The following OTOF variants were observed in gnomAD, a reference collection of about 807,000 sequenced individuals.
The protein encoded by OTOF is otoferlin.
A neutral mutation model predicts 236.8 loss-of-function variants in OTOF; 218 were observed. The ratio of observed to expected loss-of-function variants is 0.92; its 90% CI spans 0.82 to 1.03. OTOF has a LOEUF of 1.03. OTOF is among the 50% of genes least tolerant of loss of function. The pLI, the probability that OTOF is intolerant of heterozygous loss-of-function variation, is 0.00. For synonymous variants in OTOF, 1,041 were observed against 1,072.5 expected (o/e 0.97, Z 0.57); for missense variants, 2,590 against 2,694.4 (o/e 0.96, Z 0.86).
At chr2:26,517,593 C>G (rs918671295) in intron 4 of OTOF, among the ~76,000 whole-genome samples, 2 of 152,180 alleles carry the variant, frequency 1.3e-5, no homozygotes, top group African/African-American at 4.8e-5. Context: ...AGCCCCATGT[C>G]CTTTCTGGAA....
chr2:26,539,945 T>C (rs977972977), intron 1 of OTOF, among the ~76,000 whole-genome samples: 4 of 152,154 alleles, frequency 2.6e-5, no homozygotes, highest in African/African-American at 9.7e-5. Flanking sequence ...CCCTTTTTGT[T>C]TGTCTTGAGA....
At chr2:26,476,817 C>T in intron 22 of OTOF, 74 bp downstream of exon 22, 1 of 1,417,442 alleles carries the variant, frequency 7.1e-7, no homozygotes, top group Non-Finnish European at 9.8e-7. Context: ...GTCACTCAGG[C>T]TTCCAGCCCC....
rs369063492 is a variant in OTOF at position 26,491,180 on chromosome 2, G to A, written c.898-1440C>T. ...GCCCCCAAGAGGAGCAGCAGGCAGC[G>A]GGATGAAAGAAACTGGGTGATCAAG... On this transcript the variant is annotated intron_variant, in intron 9 of 46. Transcript: ENST00000272371. Among the ~76,000 whole-genome samples, 83 of 152,242 alleles carry A rather than the reference G, an allele frequency of 5.5e-4. 2 individuals are homozygous for A. Among genetic ancestry groups the A allele is most frequent in the African/African-American group, 1.5e-3 (64 of 41,532 alleles).
rs1664409688 is a variant in OTOF, at chr2:26,460,511, C to T, written c.5813+136G>A. Reference sequence around the variant, plus strand: ...GGGACGTTGTGGGATTCAGGGTTGGCAGAGGGCAGGGAGGAGGCTCCCCTG... The same window carrying T: ...GGGACGTTGTGGGATTCAGGGTTGGTAGAGGGCAGGGAGGAGGCTCCCCTG... On this transcript the variant is annotated intron_variant, in intron 45 of 46. Coordinates refer to ENST00000272371, the MANE Select transcript of OTOF (RefSeq NM_194248.3). The surrounding 1 kb of genome is among the most constrained non-coding windows in gnomAD (Gnocchi z 5.3). 8.0e-6 allele frequency: 6 copies of T among 752,826 alleles called. No individual in the cohort carries two copies. The highest frequency in any genetic ancestry group is 1.4e-5 in the Non-Finnish European group (6 of 433,794). 46.6% of individuals were successfully genotyped at this position (752,826 alleles called of 1,614,324 possible). A position where few individuals can be genotyped will look rare whatever the true frequency, so the allele number is the denominator to read the frequency against.
At chr2:26,468,277 G>T (rs1416007477) in intron 33 of OTOF, 131 bp downstream of exon 33, 5 of 766,982 alleles carry the variant, frequency 6.5e-6, no homozygotes, top group Non-Finnish European at 9.5e-6. Flanking sequence ...GATTACTGAT[G>T]CTGCTTCCCT....
In OTOF at chr2:26,482,487, G is replaced by A. The variant is rs773543852; in HGVS notation, c.1498C>T (p.Arg500Ter). ...PLCKRMKVQI[R>*]DSDKVNDVAI... ...ACGTCGTTGACCTTGTCCGAGTCTC[G>A]GATCTGCACCTTCATGCGTTTGCAG... Residue 500 changes from arginine to a stop codon, truncating the protein, a stop_gained, in exon 14 of 47, where the codon CGA becomes TGA. Coordinates refer to ENST00000272371, the MANE Select transcript of OTOF (RefSeq NM_194248.3). LOFTEE classifies it high-confidence loss of function. 13 of 1,613,228 alleles carry A rather than the reference G, an allele frequency of 8.1e-6. No individual in the cohort carries two copies. Among genetic ancestry groups the A allele is most frequent in the Admixed American group, 1.7e-5 (1 of 60,004 alleles).
At chr2:26,528,411 C>T (rs1317598438) in intron 2 of OTOF, among the ~76,000 whole-genome samples, 1 of 152,214 alleles carries the variant, frequency 6.6e-6, no homozygotes, top group Non-Finnish European at 1.5e-5. Context: ...ACAGGCTCTG[C>T]CCCAGACTCC....
rs1665946379 is a variant in OTOF, at chr2:26,495,039, A to AC, written c.799dup (p.Val267GlyfsTer15). 2 of 1,614,104 alleles carry AC rather than the reference A, an allele frequency of 1.2e-6. No individual in the cohort carries two copies. Among genetic ancestry groups the AC allele is most frequent in the Non-Finnish European group, 1.7e-6 (2 of 1,179,988 alleles). On this transcript the variant is annotated frameshift_variant, in exon 9 of 47. Coordinates refer to ENST00000272371, the MANE Select transcript of OTOF (RefSeq NM_194248.3). LOFTEE classifies it high-confidence loss of function. ...CACCACAGGGTCCATGTTCAAGCCC[A>AC]CCAGCTGCCGGGCCTCGATCACCGT...
At chr2:26,540,583 G>A (rs2148125826) in intron 1 of OTOF, among the ~76,000 whole-genome samples, 1 of 152,228 alleles carries the variant, frequency 6.6e-6, no homozygotes, top group South Asian at 2.1e-4. Context: ...GCTCTCCAGG[G>A]TCCTAGCAAC....
intron 10 of OTOF, 98 bp from the exon 11 acceptor site, chr2:26,489,393 G>C (rs1040101412): frequency 1.9e-5 from 18 of 948,104 alleles, no homozygotes; most frequent in Non-Finnish European, 2.8e-5. Context: ...AAGTGGGAGG[G>C]CGTTGGCAGA....
Position 26,538,157 on chromosome 2 carries a change from T to C in OTOF, c.80-383A>G, listed in dbSNP as rs150573918. ...CAGCTCTGCTGGTGGCTCCGGGCCC[T>C]GCTGCCCTGAGCAGAAGCCTAGTAT... On this transcript the variant is annotated intron_variant, in intron 1 of 46. Transcript: ENST00000272371. Among the ~76,000 whole-genome samples the C allele has an allele frequency of 2.6e-3, 392 of 152,286 alleles. 1 individual carries two copies. Among genetic ancestry groups the C allele is most frequent in the African/African-American group, 8.9e-3 (371 of 41,560 alleles).
chr2:26,478,981 G>A (rs1232573069), intron 18 of OTOF, among the ~76,000 whole-genome samples: 1 of 152,202 alleles, frequency 6.6e-6, no homozygotes, highest in Non-Finnish European at 1.5e-5. Flanking sequence ...TTACAGGCGT[G>A]AGCCACCACA....
At chr2:26,557,445 C>T (rs1012965939) in intron 1 of OTOF, among the ~76,000 whole-genome samples, 1 of 152,146 alleles carries the variant, frequency 6.6e-6, no homozygotes, top group Non-Finnish European at 1.5e-5. Flanking sequence ...TCAGCCTGGC[C>T]CTGCCTTTCC....
At chr2:26,531,122 G>T (rs1178250893) in intron 2 of OTOF, among the ~76,000 whole-genome samples, 1 of 152,188 alleles carries the variant, frequency 6.6e-6, no homozygotes, top group Admixed American at 6.5e-5. Context: ...GCTGTGCCCA[G>T]ACAGCATTTC....
intron 10 of OTOF, 121 bp downstream of exon 10, chr2:26,489,556 TG>T (rs1199417683): frequency 9.5e-6 from 8 of 838,410 alleles, no homozygotes; most frequent in African/African-American, 5.0e-5. Flanking sequence ...TGCCCAGCCG[TG>T]TGTCCAGGCA....
chr2:26,461,595 C>T lies in OTOF; in HGVS notation c.5533+101G>A, dbSNP rs1664464081. ...CTCTGATGGACTGGAAGCAATGACC[C>T]CTTGTCCCCCCAAGGCAGGGCTCTC... is the stretch of plus-strand genomic sequence containing the variant. On this transcript the variant is annotated intron_variant, in intron 43 of 46. Transcript: ENST00000272371. The surrounding 1 kb of genome is among the most constrained non-coding windows in gnomAD (Gnocchi z 6.2). The T allele has an allele frequency of 1.3e-6, 2 of 1,518,172 alleles. No individual in the cohort carries two copies. The highest frequency in any genetic ancestry group is 1.1e-5 in the South Asian group (1 of 87,896). The allele number at this position is 1,518,172 out of a possible 1,614,324, so 94.0% of individuals were successfully genotyped here.
intron 8 of OTOF, among the ~76,000 whole-genome samples, chr2:26,497,609 A>T (rs1666020134): frequency 6.6e-6 from 1 of 152,238 alleles, no homozygotes; most frequent in African/African-American, 2.4e-5. Context: ...ACACATCAGA[A>T]GTAATCATGT....
chr2:26,512,362 G>A lies in OTOF; in HGVS notation c.509+4056C>T, dbSNP rs113226282. ...TCAACAGCAGAGCCCAGAATCCAGA[G>A]TCCTCCCTGGTGTCATGCAGTGCAT... On this transcript the variant is annotated intron_variant, in intron 5 of 46. Transcript: ENST00000272371. 1.8e-3 allele frequency among the ~76,000 whole-genome samples: 269 copies of A among 152,372 alleles called. 1 individual carries two copies. The highest frequency in any genetic ancestry group is 6.0e-3 in the African/African-American group (250 of 41,588).
chr2:26,514,663 G>A (rs1459219793), intron 5 of OTOF, among the ~76,000 whole-genome samples: 1 of 152,228 alleles, frequency 6.6e-6, no homozygotes, highest in Non-Finnish European at 1.5e-5. Context: ...GATGTAACTT[G>A]CTGAACCCAT....
Sources: gnomAD v4.1 joint callset for allele counts (sites outside exome capture counted in the v4.1 genomes callset) on GRCh38, gnomAD v4.1.1 for gene constraint, Gnocchi (gnomAD v3.1) non-coding constraint, MANE v1.5 for transcripts, NCBI Gene and HGNC (gene_info 2026-07-23, HGNC 2026-07-21) for gene names.